The following CUL2 variants were observed in gnomAD, a reference collection of about 807,000 sequenced individuals.
The protein encoded by CUL2 is cullin 2, also known as cullin-2.
In CUL2, 22 loss-of-function variants were observed where a neutral mutation model predicts 110.2. That is an observed-to-expected ratio of 0.20 (90% CI 0.14 to 0.28). The LOEUF (loss-of-function observed/expected upper bound fraction) is 0.28, where lower values mean the gene tolerates loss of function less well. Among genes scored for constraint, CUL2 ranks in the 10% least tolerant of loss-of-function variants. The pLI, the probability that CUL2 is intolerant of heterozygous loss-of-function variation, is 1.00. For synonymous variants in CUL2, 279 were observed against 293.2 expected (o/e 0.95, Z 0.49); for missense variants, 631 against 905.5 (o/e 0.70, Z 3.89).
At chr10:35,033,297 A>C in intron 10 of CUL2, 24 bp from the exon 11 acceptor site, 1 of 1,513,932 alleles carries the variant, frequency 6.6e-7, no homozygotes, top group Non-Finnish European at 9.2e-7. Context: ...ATAAGTACAA[A>C]ACCACATTTT....
intron 14 of CUL2, among the ~76,000 whole-genome samples, chr10:35,030,743 A>G (rs1319909692): frequency 6.6e-6 from 1 of 152,198 alleles, no homozygotes; most frequent in Non-Finnish European, 1.5e-5. Context: ...AAGAGCACAC[A>G]GCAACTGGGT....
intron 2 of CUL2, among the ~76,000 whole-genome samples, chr10:35,097,748 C>A (rs2087319213): frequency 6.6e-6 from 1 of 151,978 alleles, no homozygotes; most frequent in Non-Finnish European, 1.5e-5. Flanking sequence ...CACTTGAGGT[C>A]AGGAGTTTGA....
chr10:35,118,235 T>TA (rs746169932), intron 1 of CUL2: 2 of 151,850 alleles, frequency 1.3e-5, no homozygotes, highest in Non-Finnish European at 2.9e-5. Flanking sequence ...ATCCCAAAGT[T>TA]AGAGTTGGCC....
chr10:35,107,856 T>A lies in CUL2; in HGVS notation c.-50-6796A>T, dbSNP rs1044047603. Reference sequence around the variant, plus strand: ...TAGATCGCGCCACTGCACTCCAGCCTGGGCAACAGAGCGAGACTCCATCTC... The same window carrying A: ...TAGATCGCGCCACTGCACTCCAGCCAGGGCAACAGAGCGAGACTCCATCTC... On this transcript the variant is annotated intron_variant, in intron 1 of 5. Coordinates refer to the CUL2 transcript ENST00000685421. 1.8e-4 allele frequency among the ~76,000 whole-genome samples: 20 copies of A among 111,714 alleles called. No homozygotes were observed. In the South Asian group the frequency reaches 5.0e-3, roughly 28 times the overall value. 73.3% of individuals were successfully genotyped at this position (111,714 alleles called of 152,430 possible). A position where few individuals can be genotyped will look rare whatever the true frequency, so the allele number is the denominator to read the frequency against.
intron 1 of CUL2, among the ~76,000 whole-genome samples, chr10:35,079,379 T>C (rs1158214535): frequency 6.6e-6 from 1 of 152,226 alleles, no homozygotes; most frequent in Non-Finnish European, 1.5e-5. Flanking sequence ...GAATATGTGT[T>C]ACAGTCCCTG....
chr10:35,113,850 G>A (rs2087555202), intron 1 of CUL2, among the ~76,000 whole-genome samples: 1 of 150,962 alleles, frequency 6.6e-6, no homozygotes, highest in Non-Finnish European at 1.5e-5. Flanking sequence ...GGGATTACAG[G>A]CGCCCACCAC....
At chr10:35,088,702 C>T (rs186622692) in intron 1 of CUL2, among the ~76,000 whole-genome samples, 175 of 152,090 alleles carry the variant, frequency 1.2e-3, no homozygotes, top group African/African-American at 4.0e-3. Context: ...GGATAATCTT[C>T]ACATTTATAG....
chr10:35,113,259 C>T (rs1223745774), intron 1 of CUL2, among the ~76,000 whole-genome samples: 3 of 149,204 alleles, frequency 2.0e-5, no homozygotes, highest in Non-Finnish European at 4.4e-5. Context: ...ATTTTGGGAG[C>T]CCGAGGTGGG....
chr10:35,057,743 T>C (rs2086277042), intron 4 of CUL2, among the ~76,000 whole-genome samples: 1 of 152,110 alleles, frequency 6.6e-6, no homozygotes, highest in African/African-American at 2.4e-5. Context: ...CCATTCTTAT[T>C]TTATAAGTCA....
chr10:35,061,167 A>C (rs1262608827), intron 3 of CUL2, among the ~76,000 whole-genome samples, 199 bp from the exon 4 acceptor site: 1 of 152,204 alleles, frequency 6.6e-6, no homozygotes, highest in East Asian at 1.9e-4. Flanking sequence ...ATGAAAGTGA[A>C]GCATCCATAA....
intron 5 of CUL2, among the ~76,000 whole-genome samples, chr10:35,051,872 T>A (rs2086121928): frequency 6.6e-6 from 1 of 152,224 alleles, no homozygotes; most frequent in Non-Finnish European, 1.5e-5. Flanking sequence ...GTTTCTTTAT[T>A]GTGTTTTGGT....
intron 8 of CUL2, among the ~76,000 whole-genome samples, chr10:35,043,709 C>G (rs1157635728): frequency 6.6e-6 from 1 of 152,082 alleles, no homozygotes; most frequent in Non-Finnish European, 1.5e-5. Context: ...TTTTCTTCTA[C>G]TACTGAGAAA....
At chr10:35,015,682 G>A (rs913170330) in intron 18 of CUL2, among the ~76,000 whole-genome samples, 2 of 152,046 alleles carry the variant, frequency 1.3e-5, no homozygotes, top group Admixed American at 6.6e-5. Flanking sequence ...TATACTAATG[G>A]CTTGTTATTC....
intron 1 of CUL2, among the ~76,000 whole-genome samples, chr10:35,080,602 C>A (rs988305387): frequency 2.6e-5 from 4 of 151,984 alleles, no homozygotes; most frequent in Non-Finnish European, 5.9e-5. Flanking sequence ...GGACTACAGG[C>A]ACACACCACT....
intron 2 of CUL2, among the ~76,000 whole-genome samples, chr10:35,095,723 G>A (rs775762717): frequency 1.3e-5 from 2 of 151,940 alleles, no homozygotes; most frequent in Admixed American, 6.6e-5. Context: ...TACACCCAGC[G>A]AATTTTTTTG....
chr10:35,018,213 G>C (rs1251953695), intron 17 of CUL2, among the ~76,000 whole-genome samples: 1 of 148,882 alleles, frequency 6.7e-6, no homozygotes, highest in Non-Finnish European at 1.5e-5. Context: ...CGTGAACCCG[G>C]GAGGCGGAGC....
chr10:35,126,091 G>A (rs1433088199), intron 1 of CUL2, among the ~76,000 whole-genome samples: 1 of 152,004 alleles, frequency 6.6e-6, no homozygotes, highest in African/African-American at 2.4e-5. Flanking sequence ...CAAAATGCTG[G>A]GATTACAGGC....
chr10:35,030,099 T>C (rs2085443762), intron 14 of CUL2, among the ~76,000 whole-genome samples: 1 of 152,216 alleles, frequency 6.6e-6, no homozygotes. Flanking sequence ...GTGATCCTCC[T>C]ATCTCACTCT....
chr10:35,016,436 A>C (rs779790620), intron 17 of CUL2, 42 bp from the exon 18 acceptor site: 1 of 1,403,058 alleles, frequency 7.1e-7, no homozygotes. Flanking sequence ...GACCATTCAA[A>C]GAAACATTTC....
Sources: allele counts gnomAD v4.1 joint callset (sites outside exome capture counted in the v4.1 genomes callset), GRCh38; gene constraint gnomAD v4.1.1; transcripts MANE v1.5; gene names NCBI Gene and HGNC (gene_info 2026-07-23, HGNC 2026-07-21).